The following TANC1 variants were observed in gnomAD, a reference collection of about 807,000 sequenced individuals.
TANC1 encodes the protein tetratricopeptide repeat, ankyrin repeat and coiled-coil containing 1.
Under a neutral mutation model 149.7 loss-of-function variants are expected in TANC1, and 77 were observed. The observed-to-expected ratio is 0.51, with a 90% CI of 0.43 to 0.62. The LOEUF is 0.62. Among genes scored for constraint, TANC1 ranks in the 20% least tolerant of loss-of-function variants. The pLI is 0.00. For missense variants in TANC1, 1,985 were observed against 2,321.8 expected (o/e 0.85, Z 2.98); for synonymous variants, 854 against 925.0 (o/e 0.92, Z 1.39).
chr2:158,969,062 C>G (rs1033460347), intron 1 of TANC1, among the ~76,000 whole-genome samples: 2 of 152,234 alleles, frequency 1.3e-5, no homozygotes, highest in Non-Finnish European at 2.9e-5. Context: ...CCGGACCGAG[C>G]CGGCCTCCCC....
At chr2:159,131,535 A>G (rs1391372652) in intron 4 of TANC1, among the ~76,000 whole-genome samples, 1 of 11,586 alleles carries the variant, frequency 8.6e-5, no homozygotes, top group African/African-American at 3.2e-4. Flanking sequence ...CCCTGCCCCC[A>G]CCCAACACTA....
intron 2 of TANC1, among the ~76,000 whole-genome samples, chr2:159,026,227 C>A (rs946450582): frequency 1.3e-5 from 2 of 152,230 alleles, no homozygotes; most frequent in African/African-American, 4.8e-5. Context: ...GCCACTGTGT[C>A]TGGCCTTGCT....
chr2:159,200,780 G>A (rs1043950052), intron 19 of TANC1, among the ~76,000 whole-genome samples: 23 of 152,142 alleles, frequency 1.5e-4, no homozygotes, highest in Non-Finnish European at 1.0e-4. Context: ...CTGTGTTCTC[G>A]TCAGAGACTC....
At chr2:159,048,042 A>T (rs2041204845) in intron 2 of TANC1, among the ~76,000 whole-genome samples, 1 of 152,076 alleles carries the variant, frequency 6.6e-6, no homozygotes, top group Non-Finnish European at 1.5e-5. Context: ...ATGCTCTGTT[A>T]CAAGTGAGGA....
chr2:159,062,973 C>CCAAAAAAAAAAAAAAAAAAAAAAA, intron 2 of TANC1, among the ~76,000 whole-genome samples: 1 of 41,216 alleles, frequency 2.4e-5, no homozygotes, highest in Non-Finnish European at 5.4e-5. Context: ...GACTCCGTCT[C>CCAAAAAAAAAAAAAAAAAAAAAAA]AAAAAAAAAA....
At chr2:159,024,665 C>A (rs187462842) in intron 2 of TANC1, among the ~76,000 whole-genome samples, 4 of 151,832 alleles carry the variant, frequency 2.6e-5, no homozygotes, top group Non-Finnish European at 5.9e-5. Context: ...GCAGGAGAAT[C>A]GCTTGAATCC....
chr2:159,144,745 T>A (rs1408034889), intron 5 of TANC1, among the ~76,000 whole-genome samples: 1 of 152,072 alleles, frequency 6.6e-6, no homozygotes, highest in East Asian at 1.9e-4. Flanking sequence ...AGGGAGGGAA[T>A]GGTAATGGCT....
At chr2:159,163,208 G>T in intron 7 of TANC1, 75 bp from the exon 8 acceptor site, 1 of 1,424,286 alleles carries the variant, frequency 7.0e-7, no homozygotes, top group Admixed American at 2.0e-5. Context: ...CCTGGGGAGG[G>T]CAGTGTGCAT....
At position 158,981,491 on chromosome 2, in the gene TANC1, TTATATATATATATATATA is replaced by T. The variant is rs10602195; in HGVS notation, c.-126+12744_-126+12761del. Among the ~76,000 whole-genome samples the T allele has an allele frequency of 4.2e-3, 143 of 34,356 alleles. 3 individuals are homozygous for T. Among genetic ancestry groups the T allele is most frequent in the Admixed American group, 6.1e-3 (15 of 2,442 alleles). 22.5% of individuals were successfully genotyped at this position (34,356 alleles called of 152,430 possible). A position where few individuals can be genotyped will look rare whatever the true frequency, so the allele number is the denominator to read the frequency against. On this transcript the variant is annotated intron_variant, in intron 1 of 26. Transcript: ENST00000263635. ...AAGTTTAGCAATTAATATATAGCTTTTATATATATATATATATATATATATATATATATATATATATAT... is the reference window on the plus strand; with the variant it reads ...AAGTTTAGCAATTAATATATAGCTTTTATATATATATATATATATATATAT...
chr2:159,161,281 G>A (rs186749251), intron 7 of TANC1, among the ~76,000 whole-genome samples: 5 of 152,296 alleles, frequency 3.3e-5, no homozygotes, highest in South Asian at 2.1e-4. Flanking sequence ...TTACAAATAC[G>A]TGCTTTCCAA....
chr2:159,122,942 G>A (rs1418716135), intron 4 of TANC1, among the ~76,000 whole-genome samples: 1 of 151,946 alleles, frequency 6.6e-6, no homozygotes, highest in Non-Finnish European at 1.5e-5. Context: ...GTCCAAGCTG[G>A]CCCTTTTAAT....
At chr2:159,036,993 C>T (rs1641404523) in intron 2 of TANC1, among the ~76,000 whole-genome samples, 1 of 152,316 alleles carries the variant, frequency 6.6e-6, no homozygotes, top group Middle Eastern at 3.4e-3. Context: ...AAAAGTGTTC[C>T]TGTTTCTCCA....
At chr2:159,200,910 C>T (rs2058199783) in intron 19 of TANC1, among the ~76,000 whole-genome samples, 1 of 152,216 alleles carries the variant, frequency 6.6e-6, no homozygotes, top group African/African-American at 2.4e-5. Context: ...TCCAAAGCCT[C>T]ATGAGTAACC....
At chr2:159,204,096 T>A (rs2058444047) in intron 19 of TANC1, among the ~76,000 whole-genome samples, 1 of 152,248 alleles carries the variant, frequency 6.6e-6, no homozygotes, top group African/African-American at 2.4e-5. Context: ...CATCTTAATT[T>A]ATCTAAATTA....
intron 1 of TANC1, among the ~76,000 whole-genome samples, chr2:159,000,733 C>T (rs538572255): frequency 2.4e-4 from 37 of 151,774 alleles, no homozygotes; most frequent in Non-Finnish European, 4.3e-4. Flanking sequence ...GTGTGCGAGC[C>T]GGAAGGATAG....
At chr2:159,154,193 C>A (rs1476775530) in intron 7 of TANC1, among the ~76,000 whole-genome samples, 1 of 152,190 alleles carries the variant, frequency 6.6e-6, no homozygotes, top group Non-Finnish European at 1.5e-5. Flanking sequence ...AGCAGGGTTC[C>A]ACATACAGTA....
Position 159,009,093 on chromosome 2 carries a change from A to G in TANC1, c.-16+7904A>G, listed in dbSNP as rs538061258. On this transcript the variant is annotated intron_variant, in intron 2 of 26. Transcript: ENST00000263635. ...TGAATAACTAAGAGCAGGTTGGAAA[A>G]TAAATTATAGATTGCCCAAAGCTTT... Among the ~76,000 whole-genome samples the G allele has an allele frequency of 2.2e-4, 33 of 152,358 alleles. No homozygotes were observed. The South Asian group carries it at 6.6e-3, about 31-fold the overall frequency.
rs1209235444 is a variant in TANC1 at position 159,230,434 on chromosome 2, T to A, written c.5008T>A (p.Ser1670Thr). Residue 1670 changes from serine to threonine, a missense_variant, in exon 27 of 27, where the codon TCC (serine) becomes ACC (threonine). Ser to Thr is a moderately conservative substitution (Grantham distance 58). Transcript: ENST00000263635. The surrounding 1 kb of genome is among the most constrained non-coding windows in gnomAD (Gnocchi z 4.4). ...LTSSGSSGSPSSSIKMSSSTS... is the reference protein window; with the variant it reads ...LTSSGSSGSPTSSIKMSSSTS... ...CAGCTCAGGCTCTTCTGGTTCTCCA[T>A]CCAGCAGCATAAAGATGTCAAGTTC... The A allele has an allele frequency of 6.2e-7, 1 of 1,614,160 alleles. No homozygotes were observed. The highest frequency in any genetic ancestry group is 8.5e-7 in the Non-Finnish European group (1 of 1,180,032).
At position 159,159,709 on chromosome 2, in the gene TANC1, TGTGTGTGTGAGAGAGAGAGAGAGAGA is replaced by T. The variant is rs2053819645; in HGVS notation, c.683-3572_683-3547del. On this transcript the variant is annotated intron_variant, in intron 7 of 26. Transcript: ENST00000263635. The stretch of plus-strand genomic sequence containing the variant: ...ACACATACGTGTGTGTGTGTGTGTG[TGTGTGTGTGAGAGAGAGAGAGAGAGA>T]GAGAGAGAGAGAGAGAGAGAGAGAG... Among the ~76,000 whole-genome samples the T allele has an allele frequency of 4.6e-5, 3 of 64,518 alleles. 1 individual carries two copies. The highest frequency in any genetic ancestry group is 1.0e-4 in the Non-Finnish European group (3 of 28,856). The allele number at this position is 64,518 out of a possible 152,430, so 42.3% of individuals were successfully genotyped here.
Sources: allele counts gnomAD v4.1 joint callset (sites outside exome capture counted in the v4.1 genomes callset), GRCh38; gene constraint gnomAD v4.1.1; non-coding constraint Gnocchi (gnomAD v3.1); transcripts MANE v1.5; gene names NCBI Gene and HGNC (gene_info 2026-07-23, HGNC 2026-07-21).